Variants in NEO1 observed in about 807,000 individuals in gnomAD.
NEO1 encodes the protein neogenin.
A neutral mutation model predicts 159.7 loss-of-function variants in NEO1; 63 were observed. The ratio of observed to expected loss-of-function variants is 0.39; its 90% confidence interval spans 0.32 to 0.49. The LOEUF (loss-of-function observed/expected upper bound fraction) is 0.49. NEO1 is among the 20% of genes least tolerant of loss of function. NEO1 has a pLI of 0.85. For synonymous variants in NEO1, 633 were observed against 662.0 expected, an observed-to-expected ratio of 0.96 and a Z score of 0.67; for missense variants, 1,615 against 1,831.0, an observed-to-expected ratio of 0.88 and a Z score of 2.15.
chr15:73,301,273 A>AG (rs2042600923), intron 27 of NEO1, 48 bp from the exon 28 acceptor site: 2 of 1,612,158 alleles, frequency 1.2e-6, no homozygotes, highest in South Asian at 1.1e-5. Context: ...CATGAGGTCT[A>AG]GGGGAGGCAG....
chr15:73,293,161 C>T lies in NEO1; in HGVS notation c.3743-229C>T, dbSNP rs187083706. Among the ~76,000 whole-genome samples, 1,450 of 152,192 alleles carry T rather than the reference C, an allele frequency of 9.5e-3. 31 individuals are homozygous for T. The highest frequency in any genetic ancestry group is 0.033 in the African/African-American group (1,381 of 41,510). On this transcript the variant is annotated intron_variant, in intron 25 of 28. Transcript: ENST00000261908. ...ACTGTTAACATTTTAGTGTATATTC[C>T]TTTTTTTCTATATATATGTAGACAT... is the stretch of plus-strand genomic sequence containing the variant.
intron 7 of NEO1, among the ~76,000 whole-genome samples, chr15:73,217,283 A>G (rs1596368810): frequency 1.3e-5 from 2 of 148,202 alleles, no homozygotes; most frequent in South Asian, 2.2e-4. Flanking sequence ...TGTTCCATTG[A>G]TCTATATCTC....
chr15:73,098,797 T>C (rs1355607411), intron 1 of NEO1, among the ~76,000 whole-genome samples: 1 of 152,166 alleles, frequency 6.6e-6, no homozygotes, highest in East Asian at 1.9e-4. Context: ...GGTAAAAGGG[T>C]AAATGCATAT....
At chr15:73,071,699 A>G (rs975745782) in intron 1 of NEO1, among the ~76,000 whole-genome samples, 5 of 152,002 alleles carry the variant, frequency 3.3e-5, no homozygotes, top group African/African-American at 4.8e-5. Flanking sequence ...ATTTATTTGT[A>G]GAGACAGGGT....
intron 7 of NEO1, among the ~76,000 whole-genome samples, chr15:73,221,006 T>A (rs905472616): frequency 1.2e-4 from 19 of 152,358 alleles, no homozygotes; most frequent in African/African-American, 4.6e-4. Flanking sequence ...GGCGCTCTGC[T>A]TTTTAGAGTT....
At chr15:73,201,270 C>T (rs2036866555) in intron 7 of NEO1, among the ~76,000 whole-genome samples, 1 of 151,488 alleles carries the variant, frequency 6.6e-6, no homozygotes, top group Non-Finnish European at 1.5e-5. Flanking sequence ...ATCTAAGTTT[C>T]ACTTATTTTC....
chr15:73,266,169 C>T, intron 15 of NEO1, 147 bp from the exon 16 acceptor site: 1 of 596,586 alleles, frequency 1.7e-6, no homozygotes, highest in Non-Finnish European at 2.9e-6. Context: ...ATCTCCATAT[C>T]TCCCTACAAC....
intron 1 of NEO1, among the ~76,000 whole-genome samples, chr15:73,083,846 A>G (rs925118044): frequency 3.9e-5 from 6 of 152,168 alleles, no homozygotes; most frequent in Non-Finnish European, 8.8e-5. Flanking sequence ...GATTATAGAT[A>G]AACTTTTTTA....
intron 1 of NEO1, among the ~76,000 whole-genome samples, chr15:73,110,884 A>G (rs1197673422): frequency 6.6e-6 from 1 of 152,164 alleles, no homozygotes; most frequent in Non-Finnish European, 1.5e-5. Flanking sequence ...CTTTTATTGT[A>G]ACAAAAAGTG....
intron 16 of NEO1, 73 bp downstream of exon 16, chr15:73,266,484 A>G (rs1377513433): frequency 4.6e-6 from 5 of 1,091,824 alleles, no homozygotes; most frequent in Non-Finnish European, 6.5e-6. Flanking sequence ...CATGAGGCCT[A>G]TCCCATAGGT....
At chr15:73,171,353 A>G (rs2151933681) in intron 5 of NEO1, among the ~76,000 whole-genome samples, 1 of 152,180 alleles carries the variant, frequency 6.6e-6, no homozygotes. Context: ...GCTTGAGCCC[A>G]GGAGTTTGAG....
At chr15:73,186,190 C>A (rs1432957737) in intron 7 of NEO1, among the ~76,000 whole-genome samples, 2 of 150,702 alleles carry the variant, frequency 1.3e-5, no homozygotes, top group Non-Finnish European at 3.0e-5. Flanking sequence ...AAAATGTGAG[C>A]TAGAAGACAC....
chr15:73,203,019 CATCCATCATT>C (rs1165308219), intron 7 of NEO1, among the ~76,000 whole-genome samples: 1 of 152,160 alleles, frequency 6.6e-6, no homozygotes, highest in Non-Finnish European at 1.5e-5. Context: ...ATTATCTGTT[CATCCATCATT>C]AGACATTTGG....
upstream of NEO1, among the ~76,000 whole-genome samples, chr15:73,052,246 G>A (rs1326639954): frequency 6.8e-6 from 1 of 146,918 alleles, no homozygotes; most frequent in Non-Finnish European, 1.5e-5. Context: ...GCGGAGCCGA[G>A]GGGGTGCGGG....
intron 26 of NEO1, among the ~76,000 whole-genome samples, chr15:73,296,260 T>C (rs943051598): frequency 1.3e-5 from 2 of 152,152 alleles, no homozygotes; most frequent in African/African-American, 4.8e-5. Context: ...GACATGAGTC[T>C]ACTGTTCTCT....
At chr15:73,229,956 A>G (rs2038810821) in intron 7 of NEO1, among the ~76,000 whole-genome samples, 1 of 152,162 alleles carries the variant, frequency 6.6e-6, no homozygotes, top group Non-Finnish European at 1.5e-5. Flanking sequence ...AAGGAGTTTT[A>G]TACTATGATC....
At chr15:73,245,491 A>C (rs1165308223) in intron 9 of NEO1, among the ~76,000 whole-genome samples, 2 of 152,148 alleles carry the variant, frequency 1.3e-5, no homozygotes, top group Non-Finnish European at 2.9e-5. Flanking sequence ...AAGCAGCCAG[A>C]TCTTAATAAA....
intron 7 of NEO1, among the ~76,000 whole-genome samples, chr15:73,229,998 A>G (rs949464353): frequency 2.0e-5 from 3 of 152,034 alleles, no homozygotes; most frequent in African/African-American, 7.2e-5. Flanking sequence ...CTTTCTTTTC[A>G]TGTGTCGTGT....
chr15:73,167,664 A>T (rs1443960047), intron 5 of NEO1, among the ~76,000 whole-genome samples: 2 of 152,224 alleles, frequency 1.3e-5, no homozygotes, highest in African/African-American at 2.4e-5. Flanking sequence ...GTGTATACAT[A>T]CAATATTGAG....
Sources: allele counts gnomAD v4.1 joint callset (sites outside exome capture counted in the v4.1 genomes callset), GRCh38; gene constraint gnomAD v4.1.1; transcripts MANE v1.5; gene names NCBI Gene and HGNC (gene_info 2026-07-23, HGNC 2026-07-21).